SNCAIP: variants seen among roughly 807,000 people sequenced by gnomAD.
SNCAIP encodes the protein synphilin-1.
Under a neutral mutation model 86.7 loss-of-function variants are expected in SNCAIP, and 43 were observed. The ratio of observed to expected loss-of-function variants is 0.50; its 90% confidence interval spans 0.39 to 0.64. SNCAIP has a LOEUF of 0.64. SNCAIP is among the 30% of genes least tolerant of loss of function. The probability of loss-of-function intolerance (pLI) is 0.00; values close to 1 mark genes in which losing one functional copy is unlikely to be tolerated. For missense variants in SNCAIP, 981 were observed against 1,103.1 expected (o/e 0.89, Z 1.57); for synonymous variants, 417 against 427.2 (o/e 0.98, Z 0.29).
chr5:122,390,797 A>AG (rs1430069817), intron 1 of SNCAIP, among the ~76,000 whole-genome samples: 1 of 152,134 alleles, frequency 6.6e-6, no homozygotes, highest in Admixed American at 6.5e-5. Context: ...TATTGATTCT[A>AG]GGGGGAGATT....
chr5:122,448,602 A>ATTTTTATATATATAATATATATTATATG lies in SNCAIP; in HGVS notation c.1593-1241_1593-1240insTTTATATATATAATATATATTATATGTT, dbSNP rs1782851865. ...ATATTTTATATATATTTTTATATAT[A>ATTTTTATATATATAATATATATTATATG]TTATATATATTTTTATATATATAAT... On this transcript the variant is annotated intron_variant, in intron 8 of 10. Transcript: ENST00000261368. Among the ~76,000 whole-genome samples, 9 of 104,082 alleles carry ATTTTTATATATATAATATATATTATATG rather than the reference A, an allele frequency of 8.6e-5. No homozygotes were observed. The South Asian group carries it at 1.9e-3, about 22-fold the overall frequency. 68.3% of individuals were successfully genotyped at this position (104,082 alleles called of 152,430 possible).
At chr5:122,405,210 A>G (rs927255706) in intron 3 of SNCAIP, among the ~76,000 whole-genome samples, 8 of 152,328 alleles carry the variant, frequency 5.3e-5, no homozygotes, top group Admixed American at 2.0e-4. Flanking sequence ...CTTATCAGCT[A>G]AATGACCTTG....
At chr5:122,432,409 G>C (rs1778588307) in intron 6 of SNCAIP, among the ~76,000 whole-genome samples, 1 of 152,036 alleles carries the variant, frequency 6.6e-6, no homozygotes, top group Non-Finnish European at 1.5e-5. Context: ...GAATTTTGGA[G>C]ATAAAGAGAA....
Position 122,423,045 on chromosome 5 carries a change from TTGAGTACCAGAAAGGGGG to T in SNCAIP, c.314_331del (p.Tyr105_Glu110del). On this transcript the variant is annotated inframe_deletion, in exon 4 of 11. Coordinates refer to ENST00000261368, the MANE Select transcript of SNCAIP (RefSeq NM_005460.4). ...GATGACCAAAAGAACCAGAAAGTGGTTGAGTACCAGAAAGGGGGTGAGTCTGACCTGGGCCCCCAGCCT... is the reference window on the plus strand; with the variant it reads ...GATGACCAAAAGAACCAGAAAGTGGTTGAGTCTGACCTGGGCCCCCAGCCT... 6.2e-7 allele frequency: 1 copy of T among 1,613,964 alleles called. No individual in the cohort carries two copies. The highest frequency in any genetic ancestry group is 8.5e-7 in the Non-Finnish European group (1 of 1,179,972).
At chr5:122,362,993 A>G (rs980879614) in intron 1 of SNCAIP, among the ~76,000 whole-genome samples, 2 of 113,950 alleles carry the variant, frequency 1.8e-5, no homozygotes, top group East Asian at 5.0e-4. Context: ...CATAAATTCT[A>G]TTTTTTTTTT....
intron 3 of SNCAIP, 124 bp downstream of exon 3, chr5:122,403,989 C>T: frequency 1.4e-6 from 1 of 731,412 alleles, no homozygotes; most frequent in Non-Finnish European, 2.5e-6. Context: ...GGCTTCTCCA[C>T]TCACACCACC....
At chr5:122,406,970 A>AT (rs1773136490) in intron 3 of SNCAIP, among the ~76,000 whole-genome samples, 1 of 152,194 alleles carries the variant, frequency 6.6e-6, no homozygotes, top group East Asian at 1.9e-4. Flanking sequence ...CCTTGTACAT[A>AT]TTATATCTTT....
At chr5:122,449,790 A>T in intron 8 of SNCAIP, 55 bp from the exon 9 acceptor site, 2 of 1,159,564 alleles carry the variant, frequency 1.7e-6, no homozygotes, top group Non-Finnish European at 2.6e-6. Context: ...ATACACCCTA[A>T]TTTATAGCAG....
intron 1 of SNCAIP, among the ~76,000 whole-genome samples, chr5:122,323,841 A>C (rs1753472554): frequency 6.6e-6 from 1 of 152,220 alleles, no homozygotes; most frequent in Non-Finnish European, 1.5e-5. Context: ...GTAGGAAACC[A>C]ACTCTGCTTT....
At chr5:122,441,057 A>G (rs2152971435) in intron 7 of SNCAIP, 1 of 309,068 alleles carries the variant, frequency 3.2e-6, no homozygotes, top group South Asian at 3.8e-5. Context: ...CCATGTTCTC[A>G]AGGCACCAGA....
At chr5:122,383,036 C>A (rs896492483) in intron 1 of SNCAIP, among the ~76,000 whole-genome samples, 1 of 152,238 alleles carries the variant, frequency 6.6e-6, no homozygotes, top group African/African-American at 2.4e-5. Flanking sequence ...TCTACAGAGG[C>A]AGGCAGGCCT....
chr5:122,413,984 AC>A (rs1451472109), intron 3 of SNCAIP, among the ~76,000 whole-genome samples: 1 of 152,180 alleles, frequency 6.6e-6, no homozygotes, highest in Non-Finnish European at 1.5e-5. Context: ...ATCATAGCTC[AC>A]CACAGCCTCC....
At chr5:122,391,323 T>C (rs968627665) in intron 2 of SNCAIP, 132 bp downstream of exon 2, 1 of 738,162 alleles carries the variant, frequency 1.4e-6, no homozygotes, top group East Asian at 2.6e-5. Flanking sequence ...AGAAATCCTG[T>C]GTGGCAGACT....
intron 5 of SNCAIP, 122 bp downstream of exon 5, chr5:122,425,653 G>A (rs1777226926): frequency 2.5e-6 from 2 of 788,054 alleles, no homozygotes; most frequent in Non-Finnish European, 4.3e-6. Context: ...AAGAGCAAAT[G>A]AACATATTGC....
chr5:122,358,833 C>T (rs371285060), intron 1 of SNCAIP, among the ~76,000 whole-genome samples: 55 of 152,248 alleles, frequency 3.6e-4, no homozygotes, highest in South Asian at 1.0e-3. Flanking sequence ...AGCACCCTCT[C>T]GCTTGCTTCA....
At chr5:122,447,613 C>T (rs1362610264) in intron 8 of SNCAIP, among the ~76,000 whole-genome samples, 2 of 152,200 alleles carry the variant, frequency 1.3e-5, no homozygotes, top group Admixed American at 6.5e-5. Context: ...TTCTTAAAAA[C>T]ATGTGACTTG....
At chr5:122,382,582 G>A (rs1489058850) in intron 1 of SNCAIP, among the ~76,000 whole-genome samples, 2 of 152,170 alleles carry the variant, frequency 1.3e-5, no homozygotes, top group African/African-American at 2.4e-5. Context: ...TCCGTTGCTG[G>A]TGAGGAACTG....
chr5:122,378,226 GC>G (rs1205943713), intron 1 of SNCAIP, among the ~76,000 whole-genome samples: 2 of 145,616 alleles, frequency 1.4e-5, no homozygotes, highest in African/African-American at 5.2e-5. Context: ...TTTAATGATC[GC>G]CATTCTAACT....
intron 1 of SNCAIP, among the ~76,000 whole-genome samples, chr5:122,339,269 C>T (rs1710120611): frequency 6.6e-6 from 1 of 152,152 alleles, no homozygotes; most frequent in African/African-American, 2.4e-5. Context: ...TGTAAACCTC[C>T]GGTGTTCACA....
Sources: allele counts gnomAD v4.1 joint callset (sites outside exome capture counted in the v4.1 genomes callset), GRCh38; gene constraint gnomAD v4.1.1; transcripts MANE v1.5; gene names NCBI Gene and HGNC (gene_info 2026-07-23, HGNC 2026-07-21).